ETNK1: variants seen among roughly 807,000 people sequenced by gnomAD.
ETNK1 encodes the protein ethanolamine kinase 1.
Under a neutral mutation model 45.1 loss-of-function variants are expected in ETNK1, and 8 were observed. The observed-to-expected ratio is 0.18, with a 90% CI of 0.10 to 0.32. ETNK1 has a LOEUF of 0.32. Among genes scored for constraint, ETNK1 ranks in the 10% least tolerant of loss-of-function variants. ETNK1 has a pLI of 1.00. For synonymous variants in ETNK1, 152 were observed against 151.9 expected (o/e 1.00, Z -0.01); for missense variants, 302 against 430.6 (o/e 0.70, Z 2.64).
At chr12:22,667,195 T>A (rs1048619312) in intron 4 of ETNK1, among the ~76,000 whole-genome samples, 70 of 152,178 alleles carry the variant, frequency 4.6e-4, no homozygotes, top group Non-Finnish European at 3.7e-4. Flanking sequence ...TGTTTTTTCA[T>A]TCATTCATTC....
chr12:22,684,684 C>A, intron 7 of ETNK1, 128 bp downstream of exon 7: 2 of 779,228 alleles, frequency 2.6e-6, no homozygotes, highest in Non-Finnish European at 4.1e-6. Context: ...AGTAATTGGT[C>A]TGTGAAGAAA....
chr12:22,631,191 T>G (rs1340885782), intron 1 of ETNK1, among the ~76,000 whole-genome samples: 3 of 151,738 alleles, frequency 2.0e-5, no homozygotes, highest in African/African-American at 7.3e-5. Flanking sequence ...TTTTTTTTTT[T>G]GAGATGGAGT....
At chr12:22,684,661 G>A in intron 7 of ETNK1, 105 bp downstream of exon 7, 1 of 864,020 alleles carries the variant, frequency 1.2e-6, no homozygotes, top group Non-Finnish European at 1.8e-6. Flanking sequence ...AATTATAAAA[G>A]TTGTATACAC....
At chr12:22,660,672 CT>C (rs1313707433) in intron 3 of ETNK1, among the ~76,000 whole-genome samples, 2 of 151,968 alleles carry the variant, frequency 1.3e-5, no homozygotes, top group Non-Finnish European at 2.9e-5. Flanking sequence ...ATTTTTGTAA[CT>C]TTAAATAATA....
intron 1 of ETNK1, among the ~76,000 whole-genome samples, chr12:22,630,599 T>A (rs1433899098): frequency 6.6e-6 from 1 of 152,106 alleles, no homozygotes; most frequent in Non-Finnish European, 1.5e-5. Flanking sequence ...TTTTTCTTTT[T>A]GTATTTTATT....
chr12:22,636,045 C>T (rs1953651977), intron 1 of ETNK1, among the ~76,000 whole-genome samples: 1 of 152,076 alleles, frequency 6.6e-6, no homozygotes, highest in Non-Finnish European at 1.5e-5. Flanking sequence ...ATGCCTTAGT[C>T]CCAGCTACTC....
At chr12:22,631,204 C>T (rs1415524041) in intron 1 of ETNK1, among the ~76,000 whole-genome samples, 1 of 145,806 alleles carries the variant, frequency 6.9e-6, no homozygotes, top group Non-Finnish European at 1.5e-5. Context: ...GATGGAGTTT[C>T]GCTCTTGTTG....
chr12:22,654,101 A>G (rs1028585480), intron 2 of ETNK1, among the ~76,000 whole-genome samples: 1 of 152,228 alleles, frequency 6.6e-6, no homozygotes, highest in African/African-American at 2.4e-5. Flanking sequence ...ATGCCCTTAT[A>G]AAAGAGGCCC....
chr12:22,665,502 G>T (rs1214581619), intron 4 of ETNK1, among the ~76,000 whole-genome samples: 14 of 152,110 alleles, frequency 9.2e-5, no homozygotes. Context: ...GCTCTTAGTT[G>T]TAGCTATTAT....
At chr12:22,656,349 A>G (rs1303517873) in intron 2 of ETNK1, 2 of 947,940 alleles carry the variant, frequency 2.1e-6, no homozygotes, top group Non-Finnish European at 2.5e-6. Context: ...CAGCAAAAGT[A>G]TTATAGTTGT....
rs1259313136 is a variant in ETNK1, at chr12:22,661,370, T to G, written c.700+165T>G. 12 of 406,318 alleles carry G rather than the reference T, an allele frequency of 3.0e-5. No homozygotes were observed. In the Admixed American group the frequency reaches 4.4e-4, roughly 15 times the overall value. The allele number at this position is 406,318 out of a possible 1,614,324, so 25.2% of individuals were successfully genotyped here. On this transcript the variant is annotated intron_variant, in intron 4 of 7. Coordinates refer to ENST00000266517, the MANE Select transcript of ETNK1 (RefSeq NM_018638.5). ...TATCAAGTTATGGTAACTGTGAAAT[T>G]TAGGATATATATTCTTTTTATATTT...
intron 4 of ETNK1, among the ~76,000 whole-genome samples, chr12:22,666,370 T>C (rs186317682): frequency 5.9e-4 from 90 of 152,332 alleles, no homozygotes; most frequent in Non-Finnish European, 2.1e-4. Context: ...TTATCAGTCA[T>C]CTTTTAAATC....
chr12:22,683,737 T>C (rs1656784860), intron 6 of ETNK1, among the ~76,000 whole-genome samples: 1 of 152,180 alleles, frequency 6.6e-6, no homozygotes. Context: ...TTTGTTACTG[T>C]TGCTGTAATG....
rs751599669 is a variant in ETNK1, at chr12:22,625,219, G to C, written c.-212G>C. 7 of 1,610,536 alleles carry C rather than the reference G, an allele frequency of 4.3e-6. No homozygotes were observed. Among genetic ancestry groups the C allele is most frequent in the South Asian group, 2.2e-5 (2 of 91,006 alleles). On this transcript the variant is annotated 5_prime_UTR_variant, in exon 1 of 8. Transcript: ENST00000266517. Reference sequence around the variant, plus strand: ...GACAACAGGAATTTTCTCCGAGAGCGGGCCGGGCTCAGTTCAGCTGCTGTC... The same window carrying C: ...GACAACAGGAATTTTCTCCGAGAGCCGGCCGGGCTCAGTTCAGCTGCTGTC...
intron 1 of ETNK1, among the ~76,000 whole-genome samples, chr12:22,629,727 G>A (rs1953551008): frequency 6.6e-6 from 1 of 151,958 alleles, no homozygotes; most frequent in Admixed American, 6.6e-5. Context: ...GTAAGTTACG[G>A]CTAATTTTTT....
At chr12:22,679,844 G>A (rs767620388) in intron 6 of ETNK1, among the ~76,000 whole-genome samples, 6 of 151,754 alleles carry the variant, frequency 4.0e-5, no homozygotes, top group South Asian at 4.2e-4. Context: ...GGCGTTTGCC[G>A]CCACACCCAG....
chr12:22,635,893 T>G (rs1953649694), intron 1 of ETNK1, among the ~76,000 whole-genome samples: 2 of 152,144 alleles, frequency 1.3e-5, no homozygotes, highest in South Asian at 4.1e-4. Context: ...TGTGTAGTCT[T>G]GAAAAGAATG....
chr12:22,641,716 C>T (rs1280392775), intron 1 of ETNK1, among the ~76,000 whole-genome samples: 1 of 152,146 alleles, frequency 6.6e-6, no homozygotes, highest in African/African-American at 2.4e-5. Context: ...AAGATTTAAA[C>T]TACCTAGTAT....
chr12:22,625,248 A>G lies in ETNK1; in HGVS notation c.-183A>G, dbSNP rs770425918. 6.2e-7 allele frequency: 1 copy of G among 1,611,504 alleles called. No individual in the cohort carries two copies. The highest frequency in any genetic ancestry group is 8.5e-7 in the Non-Finnish European group (1 of 1,179,518). ...CGGGCTCAGTTCAGCTGCTGTCCAGACCCGGATCGGCAACAGTGCCGCCTC... is the reference window on the plus strand; with the variant it reads ...CGGGCTCAGTTCAGCTGCTGTCCAGGCCCGGATCGGCAACAGTGCCGCCTC... On this transcript the variant is annotated 5_prime_UTR_variant, in exon 1 of 8. Transcript: ENST00000266517.
Sources: gnomAD v4.1 joint callset for allele counts (sites outside exome capture counted in the v4.1 genomes callset) on GRCh38, gnomAD v4.1.1 for gene constraint, MANE v1.5 for transcripts, NCBI Gene and HGNC (gene_info 2026-07-23, HGNC 2026-07-21) for gene names.